The following PDZD2 variants were observed in gnomAD, a reference collection of about 807,000 sequenced individuals.
PDZD2 encodes the protein PDZ domain containing 2, also known as PDZ domain-containing protein 2.
PDZD2 carries 90 observed loss-of-function variants against 220.7 expected under a neutral mutation model. The observed-to-expected ratio is 0.41, with a 90% CI of 0.34 to 0.49. The LOEUF is 0.49. Ranked by LOEUF, PDZD2 falls within the 20% of genes least tolerant of loss-of-function variation. The pLI is 0.28. For missense variants in PDZD2, 3,174 were observed against 3,608.5 expected (o/e 0.88, Z 3.08); for synonymous variants, 1,375 against 1,450.5 (o/e 0.95, Z 1.18).
intron 1 of PDZD2, among the ~76,000 whole-genome samples, chr5:31,760,146 T>C (rs1751543802): frequency 6.6e-6 from 1 of 152,100 alleles, no homozygotes; most frequent in South Asian, 2.1e-4. Context: ...ATTAATAAAG[T>C]GGCCATTGCG....
At chr5:31,892,784 T>C (rs975887553) in intron 2 of PDZD2, among the ~76,000 whole-genome samples, 11 of 145,912 alleles carry the variant, frequency 7.5e-5, no homozygotes, top group Non-Finnish European at 1.6e-4. Context: ...TTGCTAAGGC[T>C]GGTTTTGAAC....
chr5:31,953,915 C>G (rs1747415474), intron 2 of PDZD2, among the ~76,000 whole-genome samples: 1 of 152,062 alleles, frequency 6.6e-6, no homozygotes, highest in African/African-American at 2.4e-5. Flanking sequence ...TCCCAAAGTG[C>G]TGGGATTACA....
At chr5:31,886,130 C>T (rs540992815) in intron 2 of PDZD2, among the ~76,000 whole-genome samples, 21 of 152,202 alleles carry the variant, frequency 1.4e-4, no homozygotes, top group Non-Finnish European at 1.8e-4. Context: ...AACTCCTGAC[C>T]TTAGTTGATC....
At chr5:32,061,362 G>A (rs903891814) in intron 14 of PDZD2, among the ~76,000 whole-genome samples, 1 of 152,164 alleles carries the variant, frequency 6.6e-6, no homozygotes, top group African/African-American at 2.4e-5. Context: ...TCTGGTGGGA[G>A]GTAAGAATGC....
At chr5:31,686,572 G>A (rs1746880074) in intron 1 of PDZD2, among the ~76,000 whole-genome samples, 1 of 151,954 alleles carries the variant, frequency 6.6e-6, no homozygotes, top group African/African-American at 2.4e-5. Flanking sequence ...TCGCCATGTT[G>A]GCCAGGCTAG....
intron 5 of PDZD2, among the ~76,000 whole-genome samples, chr5:32,004,915 G>A (rs1214484921): frequency 2.0e-5 from 3 of 152,178 alleles, no homozygotes; most frequent in African/African-American, 7.2e-5. Flanking sequence ...TCTGTACTGA[G>A]CTGTGGTGCT....
intron 1 of PDZD2, among the ~76,000 whole-genome samples, chr5:31,700,792 G>A (rs1747573491): frequency 6.6e-6 from 1 of 152,214 alleles, no homozygotes; most frequent in African/African-American, 2.4e-5. Context: ...CATGGCATTA[G>A]CATAGGAGGG....
In PDZD2 at chr5:31,811,546, C is replaced by T. The variant is rs117232109; in HGVS notation, c.476+11822C>T. ...ATAGCTGAAGTGCATGTCTCCCCAG[C>T]CCTTAGGCTGGACTATAAGGTTGAT... On this transcript the variant is annotated intron_variant, in intron 2 of 24. Transcript: ENST00000438447. Among the ~76,000 whole-genome samples the T allele has an allele frequency of 1.6e-3, 244 of 152,270 alleles. 2 individuals are homozygous for T. Among genetic ancestry groups the T allele is most frequent in the East Asian group, 0.014 (70 of 5,178 alleles).
At chr5:31,731,694 C>A (rs536551041) in intron 1 of PDZD2, among the ~76,000 whole-genome samples, 88 of 152,136 alleles carry the variant, frequency 5.8e-4, no homozygotes, top group Non-Finnish European at 1.2e-3. Flanking sequence ...CTTTATATGG[C>A]CAAATAGTAT....
intron 2 of PDZD2, among the ~76,000 whole-genome samples, chr5:31,806,957 G>A (rs553529269): frequency 8.6e-5 from 12 of 139,552 alleles, no homozygotes; most frequent in East Asian, 4.0e-4. Context: ...TTTTTAAGAC[G>A]GAGTTTCACT....
intron 1 of PDZD2, among the ~76,000 whole-genome samples, chr5:31,660,038 TGG>T (rs1201343131): frequency 6.6e-6 from 1 of 152,212 alleles, no homozygotes; most frequent in Non-Finnish European, 1.5e-5. Context: ...GTGACCCAGC[TGG>T]GTAGTCAGAC....
intron 2 of PDZD2, among the ~76,000 whole-genome samples, chr5:31,829,526 T>A (rs1411594007): frequency 6.6e-6 from 1 of 151,672 alleles, no homozygotes; most frequent in Non-Finnish European, 1.5e-5. Context: ...CATGTTGGCA[T>A]GGCTGGTCTC....
chr5:31,641,966 C>T (rs188261777), intron 1 of PDZD2, among the ~76,000 whole-genome samples: 608 of 152,270 alleles, frequency 4.0e-3, no homozygotes, highest in Non-Finnish European at 6.5e-3. Flanking sequence ...CCACTACCCC[C>T]GGCTGATCAT....
intron 1 of PDZD2, among the ~76,000 whole-genome samples, chr5:31,793,477 T>C (rs1753834122): frequency 6.6e-6 from 1 of 152,206 alleles, no homozygotes; most frequent in Admixed American, 6.5e-5. Flanking sequence ...GGACTTGTTA[T>C]TGAGCAAGAG....
At chr5:31,650,832 C>T (rs1216327589) in intron 1 of PDZD2, among the ~76,000 whole-genome samples, 3 of 152,192 alleles carry the variant, frequency 2.0e-5, no homozygotes, top group Admixed American at 6.5e-5. Flanking sequence ...TTGGTCTTTT[C>T]GGCCTCCGCG....
rs1561637061 is a variant in PDZD2 at position 32,110,385 on chromosome 5, A to AGTT, written c.*2252_*2254dup. On this transcript the variant is annotated 3_prime_UTR_variant, in exon 25 of 25. Coordinates refer to ENST00000438447, the MANE Select transcript of PDZD2 (RefSeq NM_178140.4). ...CAGAAGGTTTCCCTCGCCAACAAAC[A>AGTT]GTTGAAATTTAAGGGAAGAAGCAAA... 3 of 152,648 alleles carry AGTT rather than the reference A, an allele frequency of 2.0e-5. No individual in the cohort carries two copies. Among genetic ancestry groups the AGTT allele is most frequent in the African/African-American group, 4.8e-5 (2 of 41,458 alleles). 9.5% of individuals were successfully genotyped at this position (152,648 alleles called of 1,614,324 possible).
intron 2 of PDZD2, among the ~76,000 whole-genome samples, chr5:31,910,920 A>G (rs2150368148): frequency 6.6e-6 from 1 of 152,280 alleles, no homozygotes; most frequent in East Asian, 1.9e-4. Context: ...TAATTTTTAA[A>G]TTTAATATTA....
intron 1 of PDZD2, among the ~76,000 whole-genome samples, chr5:31,692,240 G>C (rs1369833772): frequency 1.3e-5 from 2 of 152,202 alleles, no homozygotes; most frequent in African/African-American, 2.4e-5. Flanking sequence ...CCCGGGGCCG[G>C]TGGGGCCGGC....
At chr5:31,790,792 G>A (rs543207019) in intron 1 of PDZD2, among the ~76,000 whole-genome samples, 8 of 140,608 alleles carry the variant, frequency 5.7e-5, no homozygotes, top group African/African-American at 1.5e-4. Flanking sequence ...TCCGCCTCCT[G>A]GGTTCATGCC....
Sources: allele counts gnomAD v4.1 joint callset (sites outside exome capture counted in the v4.1 genomes callset), GRCh38; gene constraint gnomAD v4.1.1; transcripts MANE v1.5; gene names NCBI Gene and HGNC (gene_info 2026-07-23, HGNC 2026-07-21).